Variants in CFAP54 observed in about 807,000 individuals in gnomAD.
The protein encoded by CFAP54 is cilia- and flagella-associated protein 54.
Under a neutral mutation model 370.4 loss-of-function variants are expected in CFAP54, and 290 were observed. The ratio of observed to expected loss-of-function variants is 0.78; its 90% CI spans 0.71 to 0.86. The LOEUF (loss-of-function observed/expected upper bound fraction) is 0.86. CFAP54 is among the 40% of genes least tolerant of loss of function. The pLI is 0.00. For synonymous variants in CFAP54, 1,206 were observed against 1,236.5 expected (o/e 0.98, Z 0.52); for missense variants, 3,399 against 3,528.7 (o/e 0.96, Z 0.93).
chr12:96,603,059 C>A (rs1478012837), intron 26 of CFAP54, among the ~76,000 whole-genome samples: 1 of 152,154 alleles, frequency 6.6e-6, no homozygotes, highest in East Asian at 1.9e-4. Context: ...TGTCAATGGT[C>A]TTTACAATTT....
At chr12:96,859,595 C>T (rs1026371922) in intron 66 of CFAP54, among the ~76,000 whole-genome samples, 2 of 151,922 alleles carry the variant, frequency 1.3e-5, no homozygotes, top group South Asian at 2.1e-4. Context: ...TTAGTAGAGA[C>T]GGGGTTTCAC....
chr12:96,768,093 G>A (rs1008365517), intron 60 of CFAP54, among the ~76,000 whole-genome samples: 5 of 152,030 alleles, frequency 3.3e-5, no homozygotes, highest in East Asian at 1.9e-4. Flanking sequence ...GGCTAAGGTG[G>A]GTGGATTATT....
chr12:96,872,152 C>A (rs1255005923), intron 67 of CFAP54, among the ~76,000 whole-genome samples: 3 of 151,890 alleles, frequency 2.0e-5, no homozygotes, highest in Non-Finnish European at 4.4e-5. Context: ...TTCTGAAAAT[C>A]AAAAATAGGA....
Position 96,691,249 on chromosome 12 carries a change from C to T in CFAP54, c.6203C>T (p.Ser2068Phe). ...GATAGATACAGGGCTGACATTTGCT[C>T]TGTAATTGCAAGTCTGTATTACATT... ...FSDRYRADIC[S>F]VIASLYYIIR... The change falls in exon 44 of 68, where the codon TCT becomes TTT. Residue 2068 changes from serine (S) to phenylalanine (F), a missense_variant. This residue lies in a region of CFAP54 where 2,796 missense variants were observed against 2,869.7 expected (regional missense o/e 0.97). Coordinates refer to ENST00000524981, the MANE Select transcript of CFAP54 (RefSeq NM_001306084.2). The T allele has an allele frequency of 6.2e-7, 1 of 1,612,524 alleles. No individual in the cohort carries two copies. Among genetic ancestry groups the T allele is most frequent in the South Asian group, 1.1e-5 (1 of 90,672 alleles).
chr12:96,748,847 C>T (rs1476472258), intron 55 of CFAP54, among the ~76,000 whole-genome samples: 1 of 152,142 alleles, frequency 6.6e-6, no homozygotes, highest in Non-Finnish European at 1.5e-5. Flanking sequence ...CTTTCTCTGC[C>T]TAGAAATCAG....
intron 67 of CFAP54, among the ~76,000 whole-genome samples, chr12:96,866,896 C>G (rs1255191797): frequency 6.6e-6 from 1 of 152,122 alleles, no homozygotes; most frequent in African/African-American, 2.4e-5. Context: ...TATTGAGATT[C>G]AAGTCAACTG....
In CFAP54 at chr12:96,753,782, G is replaced by C. The variant is rs140543572; in HGVS notation, c.7724G>C (p.Arg2575Thr). 1 of 1,613,906 alleles carries C rather than the reference G, an allele frequency of 6.2e-7. No homozygotes were observed. The highest frequency in any genetic ancestry group is 2.2e-5 in the East Asian group (1 of 44,852). The stretch of plus-strand genomic sequence containing the variant: ...AAGCAAGTATATTACAAGAATAAAA[G>C]GAAGGACCCCTCGAAGTGGTTACCT... ...VAKQVYYKNK[R>T]KDPSKWLPAL... The change falls in exon 56 of 68, where the codon AGG (arginine) becomes ACG (threonine). Residue 2575 changes from arginine (R) to threonine (T), a missense_variant. This residue lies in a region of CFAP54 where 2,796 missense variants were observed against 2,869.7 expected (regional missense o/e 0.97). Coordinates refer to ENST00000524981, the MANE Select transcript of CFAP54 (RefSeq NM_001306084.2).
chr12:96,519,099 C>A, intron 6 of CFAP54, 28 bp downstream of exon 6: 1 of 1,481,068 alleles, frequency 6.8e-7, no homozygotes, highest in Non-Finnish European at 8.9e-7. Context: ...TCTGAGGAGT[C>A]GAGTTTTTTT....
At chr12:96,619,331 G>A (rs1202823505) in intron 26 of CFAP54, among the ~76,000 whole-genome samples, 2 of 152,100 alleles carry the variant, frequency 1.3e-5, no homozygotes, top group Non-Finnish European at 2.9e-5. Context: ...CAGATTTCAG[G>A]TGTTCATTTG....
chr12:96,642,333 A>G (rs928224146), intron 32 of CFAP54, among the ~76,000 whole-genome samples: 2 of 152,118 alleles, frequency 1.3e-5, no homozygotes, highest in East Asian at 1.9e-4. Flanking sequence ...GTATTTATTT[A>G]GAATCTAAGT....
In CFAP54 at chr12:96,685,013, T is replaced by C. The variant is rs755599952; in HGVS notation, c.5805-16T>C. The C allele has an allele frequency of 9.1e-5, 146 of 1,612,032 alleles. 2 individuals are homozygous for C. In the East Asian group the frequency reaches 3.2e-3, roughly 36 times the overall value. ...TCTCAGAAAACTTACTGCTTGATGC[T>C]TTGTCTCTGTTTTAGGGCTGCTTTT... On this transcript the variant is annotated splice_polypyrimidine_tract_variant and intron_variant, in intron 41 of 67. Coordinates refer to ENST00000524981, the MANE Select transcript of CFAP54 (RefSeq NM_001306084.2).
chr12:96,499,386 CAG>C lies in CFAP54; in HGVS notation c.318-1447_318-1446del, dbSNP rs1449505878. 2.6e-5 allele frequency among the ~76,000 whole-genome samples: 4 copies of C among 152,076 alleles called. No homozygotes were observed. The South Asian group carries it at 6.2e-4, about 24-fold the overall frequency. On this transcript the variant is annotated intron_variant, in intron 1 of 67. Transcript: ENST00000524981. ...AAATATGCTCCACATCATATGTAAT[CAG>C]GGGAATGCAAATTAAAGCAACAATA...
chr12:96,559,557 C>T (rs1328476610), intron 17 of CFAP54, among the ~76,000 whole-genome samples: 1 of 152,152 alleles, frequency 6.6e-6, no homozygotes, highest in Non-Finnish European at 1.5e-5. Flanking sequence ...GCCACGTTTA[C>T]TGTCTTTCTC....
At chr12:96,680,912 T>G (rs1392780391) in intron 40 of CFAP54, among the ~76,000 whole-genome samples, 1 of 152,094 alleles carries the variant, frequency 6.6e-6, no homozygotes, top group African/African-American at 2.4e-5. Context: ...AGTGAAACCC[T>G]GTCTCTACTA....
At chr12:96,764,043 C>T in intron 58 of CFAP54, 108 bp from the exon 59 acceptor site, 1 of 621,362 alleles carries the variant, frequency 1.6e-6, no homozygotes. Flanking sequence ...TCAATAGATA[C>T]ATTATTATCC....
At chr12:96,548,014 T>G in intron 15 of CFAP54, 36 bp downstream of exon 15, 1 of 900,256 alleles carries the variant, frequency 1.1e-6, no homozygotes. Context: ...AGGTGAAACA[T>G]GCAATTTTAT....
chr12:96,620,717 C>T (rs1389928768), intron 26 of CFAP54, among the ~76,000 whole-genome samples: 1 of 152,232 alleles, frequency 6.6e-6, no homozygotes, highest in Non-Finnish European at 1.5e-5. Context: ...TTTGACCCTT[C>T]TCTACAGCAG....
intron 39 of CFAP54, among the ~76,000 whole-genome samples, chr12:96,664,737 ATC>A (rs200706105): frequency 0.026 from 634 of 24,454 alleles, 28 homozygotes; most frequent in African/African-American, 0.072. Flanking sequence ...ATATATATAT[ATC>A]TATATATATA....
At chr12:96,634,443 G>GT (rs970287166) in intron 32 of CFAP54, among the ~76,000 whole-genome samples, 24 of 151,962 alleles carry the variant, frequency 1.6e-4, no homozygotes, top group African/African-American at 5.6e-4. Context: ...TCATTGGATT[G>GT]TTTTTATTTT....
Sources: allele counts gnomAD v4.1 joint callset (sites outside exome capture counted in the v4.1 genomes callset), GRCh38; gene constraint gnomAD v4.1.1; regional missense constraint gnomAD v4.1.1; transcripts MANE v1.5; gene names NCBI Gene and HGNC (gene_info 2026-07-23, HGNC 2026-07-21).